LHFPL6: variants seen among roughly 807,000 people sequenced by gnomAD.
LHFPL6 encodes LHFPL tetraspan subfamily member 6 protein.
A neutral mutation model predicts 20.6 loss-of-function variants in LHFPL6; 9 were observed. The observed-to-expected ratio is 0.44, with a 90% confidence interval of 0.26 to 0.76. LHFPL6 has a LOEUF of 0.76. LHFPL6 is among the 30% of genes least tolerant of loss of function. The pLI is 0.20. For missense variants in LHFPL6, 218 were observed against 253.5 expected (o/e 0.86, Z 0.95); for synonymous variants, 105 against 98.7 (o/e 1.06, Z -0.38).
chr13:39,592,055 C>A (rs1872619422), intron 2 of LHFPL6, among the ~76,000 whole-genome samples: 1 of 151,546 alleles, frequency 6.6e-6, no homozygotes, highest in Admixed American at 6.6e-5. Context: ...GAGATCACAC[C>A]ATTGCACTCC....
chr13:39,352,705 T>C (rs1465567129), intron 3 of LHFPL6, among the ~76,000 whole-genome samples: 2 of 151,494 alleles, frequency 1.3e-5, no homozygotes, highest in African/African-American at 4.9e-5. Context: ...TTTTAACATG[T>C]TAATATTTAA....
At chr13:39,509,229 TA>T (rs1869599853) in intron 2 of LHFPL6, among the ~76,000 whole-genome samples, 1 of 152,358 alleles carries the variant, frequency 6.6e-6, no homozygotes, top group South Asian at 2.1e-4. Context: ...GTTTTCTTAT[TA>T]TCAAGTTTTG....
chr13:39,551,716 T>C (rs1009366237), intron 2 of LHFPL6, among the ~76,000 whole-genome samples: 1 of 152,186 alleles, frequency 6.6e-6, no homozygotes, highest in East Asian at 1.9e-4. Context: ...ACGACTTCCA[T>C]GCAAGGACAC....
intron 2 of LHFPL6, among the ~76,000 whole-genome samples, chr13:39,416,800 A>G (rs1182575552): frequency 6.6e-6 from 1 of 152,194 alleles, no homozygotes; most frequent in Non-Finnish European, 1.5e-5. Flanking sequence ...AATGGCATGC[A>G]AATCAAATTT....
intron 2 of LHFPL6, among the ~76,000 whole-genome samples, chr13:39,516,675 T>C (rs1361598425): frequency 6.6e-6 from 1 of 152,244 alleles, no homozygotes. Flanking sequence ...GATATTAACA[T>C]GCTCGATAAC....
At chr13:39,419,041 T>C (rs1177558576) in intron 2 of LHFPL6, among the ~76,000 whole-genome samples, 1 of 152,186 alleles carries the variant, frequency 6.6e-6, no homozygotes, top group African/African-American at 2.4e-5. Flanking sequence ...TTTTAAGAAA[T>C]GGTTAGGGCA....
At chr13:39,458,533 C>T (rs1872621769) in intron 2 of LHFPL6, among the ~76,000 whole-genome samples, 1 of 151,764 alleles carries the variant, frequency 6.6e-6, no homozygotes, top group Non-Finnish European at 1.5e-5. Context: ...TCCTTCTCTA[C>T]AAAAAATACA....
intron 2 of LHFPL6, among the ~76,000 whole-genome samples, chr13:39,418,401 T>TTTTTC (rs199555981): frequency 1.0e-4 from 15 of 145,444 alleles, no homozygotes; most frequent in African/African-American, 3.3e-4. Flanking sequence ...TTTTTTTTTT[T>TTTTTC]CCAGAATGCC....
rs1451948527 is a variant in LHFPL6 at position 39,553,066 on chromosome 13, A to G, written c.385+47766T>C. 3.3e-5 allele frequency among the ~76,000 whole-genome samples: 5 copies of G among 152,342 alleles called. No homozygotes were observed. The East Asian group carries it at 9.6e-4, about 29-fold the overall frequency. On this transcript the variant is annotated intron_variant, in intron 2 of 3. Coordinates refer to ENST00000379589, the MANE Select transcript of LHFPL6 (RefSeq NM_005780.3). The stretch of plus-strand genomic sequence containing the variant: ...AACTTAAAAATGTAAAGCATCAGGA[A>G]CCCTGCAAAGAGCAACCAGAATAAT...
intron 2 of LHFPL6, among the ~76,000 whole-genome samples, chr13:39,478,401 G>A (rs767870552): frequency 9.9e-5 from 15 of 152,118 alleles, no homozygotes; most frequent in Non-Finnish European, 2.1e-4. Context: ...AGCTAGACAT[G>A]AGCACACAAA....
At chr13:39,546,833 C>T (rs1870996103) in intron 2 of LHFPL6, among the ~76,000 whole-genome samples, 1 of 152,080 alleles carries the variant, frequency 6.6e-6, no homozygotes, top group Admixed American at 6.6e-5. Context: ...AATTTCTCTG[C>T]TTCCAGTCAT....
At chr13:39,425,855 T>C (rs1871621985) in intron 2 of LHFPL6, among the ~76,000 whole-genome samples, 1 of 152,176 alleles carries the variant, frequency 6.6e-6, no homozygotes, top group South Asian at 2.1e-4. Context: ...TGAGACATGG[T>C]TTCACTATGC....
intron 2 of LHFPL6, among the ~76,000 whole-genome samples, chr13:39,470,054 G>T (rs946262665): frequency 6.6e-6 from 1 of 152,116 alleles, no homozygotes; most frequent in Admixed American, 6.5e-5. Context: ...AACTTAGAGG[G>T]CTTGAATAAT....
At chr13:39,599,464 T>C (rs1243428065) in intron 2 of LHFPL6, among the ~76,000 whole-genome samples, 1 of 152,244 alleles carries the variant, frequency 6.6e-6, no homozygotes, top group South Asian at 2.1e-4. Flanking sequence ...TGTGTAAATA[T>C]ACATATCACA....
chr13:39,395,494 C>CCAGG (rs1483180556), intron 2 of LHFPL6, among the ~76,000 whole-genome samples: 1 of 152,164 alleles, frequency 6.6e-6, no homozygotes, highest in African/African-American at 2.4e-5. Context: ...TTTCTCCTTG[C>CCAGG]CAGGGAGATC....
intron 2 of LHFPL6, among the ~76,000 whole-genome samples, chr13:39,426,008 T>C (rs994820198): frequency 1.3e-5 from 2 of 152,182 alleles, no homozygotes; most frequent in Admixed American, 6.5e-5. Flanking sequence ...TGGTAAAAAA[T>C]ATATATCATA....
intron 3 of LHFPL6, among the ~76,000 whole-genome samples, chr13:39,356,605 T>C (rs1001318043): frequency 2.6e-5 from 4 of 152,178 alleles, no homozygotes; most frequent in South Asian, 2.1e-4. Flanking sequence ...ATGCACATGA[T>C]AGATAGACTG....
chr13:39,447,579 C>A (rs1872325249), intron 2 of LHFPL6, among the ~76,000 whole-genome samples: 1 of 152,134 alleles, frequency 6.6e-6, no homozygotes. Flanking sequence ...GCCCAGAGAG[C>A]CTGAAAGAGG....
chr13:39,575,904 A>G (rs1032922642), intron 2 of LHFPL6, among the ~76,000 whole-genome samples: 2 of 152,198 alleles, frequency 1.3e-5, no homozygotes, highest in Non-Finnish European at 2.9e-5. Flanking sequence ...ATTAGAAATT[A>G]CCAGTTTACT....
Sources: gnomAD v4.1 joint callset for allele counts (sites outside exome capture counted in the v4.1 genomes callset) on GRCh38, gnomAD v4.1.1 for gene constraint, MANE v1.5 for transcripts, NCBI Gene and HGNC (gene_info 2026-07-23, HGNC 2026-07-21) for gene names.